Variants in DYNC2I2 observed in about 807,000 individuals in gnomAD.
DYNC2I2 encodes dynein 2 intermediate chain 2, also known as cytoplasmic dynein 2 intermediate chain 2.
DYNC2I2 carries 39 observed loss-of-function variants against 52.0 expected under a neutral mutation model. The ratio of observed to expected loss-of-function variants is 0.75; its 90% CI spans 0.58 to 0.98. DYNC2I2 has a LOEUF of 0.98. Ranked by LOEUF, DYNC2I2 falls within the 50% of genes least tolerant of loss-of-function variation. DYNC2I2 has a pLI of 0.00. For missense variants in DYNC2I2, 743 were observed against 728.4 expected (o/e 1.02, Z -0.23); for synonymous variants, 359 against 321.1 (o/e 1.12, Z -1.26).
the DYNC2I2 span, chr9:128,683,869 G>A: frequency 1.5e-5 from 23 of 1,534,536 alleles, no homozygotes; most frequent in Non-Finnish European, 1.8e-5. Context: ...GAGACTCGTG[G>A]TCTGGTTCTG....
intron 2 of DYNC2I2, among the ~76,000 whole-genome samples, chr9:128,639,405 TAAAA>T (rs570265144): frequency 6.9e-5 from 10 of 144,560 alleles, no homozygotes; most frequent in African/African-American, 2.3e-4. Flanking sequence ...CTCAAAAAAA[TAAAA>T]AAAAAAGAAA....
chr9:128,653,669 T>C (rs1860762345), intron 1 of DYNC2I2, among the ~76,000 whole-genome samples: 1 of 149,084 alleles, frequency 6.7e-6, no homozygotes, highest in African/African-American at 2.5e-5. Flanking sequence ...TGAGCTGAGA[T>C]CACGCCATTG....
chr9:128,657,217 A>T (rs574292369), upstream of DYNC2I2, among the ~76,000 whole-genome samples: 10 of 152,360 alleles, frequency 6.6e-5, no homozygotes, highest in South Asian at 2.1e-3. Flanking sequence ...CAATAGAATG[A>T]TGATGAAAAA....
chr9:128,640,626 G>A, intron 2 of DYNC2I2, 65 bp downstream of exon 2: 1 of 1,562,204 alleles, frequency 6.4e-7, no homozygotes, highest in Non-Finnish European at 8.7e-7. Context: ...TTGTGGGAAG[G>A]AAAACAAGAG....
chr9:128,663,345 C>T, the DYNC2I2 span: 1 of 152,078 alleles, frequency 6.6e-6, no homozygotes, highest in Admixed American at 6.6e-5. Context: ...GGACCTCAAA[C>T]TCCTCCTGCT....
intron 1 of DYNC2I2, among the ~76,000 whole-genome samples, chr9:128,647,731 C>CAAAA (rs35883171): frequency 1.4e-5 from 1 of 73,982 alleles, no homozygotes. Flanking sequence ...GACTCCATCT[C>CAAAA]AAAAAAAAAA....
chr9:128,658,746 A>C (rs1254855417), upstream of DYNC2I2, among the ~76,000 whole-genome samples: 1 of 44,226 alleles, frequency 2.3e-5, no homozygotes, highest in Non-Finnish European at 4.8e-5. Context: ...TTTTTTTTTG[A>C]GACAGGGTCT....
chr9:128,656,925 T>G, upstream of DYNC2I2: 1 of 526,330 alleles, frequency 1.9e-6, no homozygotes, highest in Non-Finnish European at 3.0e-6. Context: ...TTGCATACCC[T>G]GTCCCCAGAA....
chr9:128,674,513 G>A, the DYNC2I2 span, among the ~76,000 whole-genome samples: 1 of 151,950 alleles, frequency 6.6e-6, no homozygotes, highest in Non-Finnish European at 1.5e-5. Context: ...GGAGGCCAAG[G>A]ACGGTGGATC....
At chr9:128,659,430 GC>G (rs1296360447), upstream of DYNC2I2, among the ~76,000 whole-genome samples, 1 of 149,960 alleles carries the variant, frequency 6.7e-6, no homozygotes, top group Non-Finnish European at 1.5e-5. Context: ...GGGAGGTGGA[GC>G]TTGCGGTGAG....
chr9:128,647,734 A>G (rs1230409698), intron 1 of DYNC2I2, among the ~76,000 whole-genome samples: 1 of 133,538 alleles, frequency 7.5e-6, no homozygotes, highest in Non-Finnish European at 1.5e-5. Context: ...TCCATCTCAA[A>G]AAAAAAAAAA....
chr9:128,668,591 G>T, the DYNC2I2 span, among the ~76,000 whole-genome samples: 6 of 151,536 alleles, frequency 4.0e-5, no homozygotes, highest in Non-Finnish European at 8.8e-5. Flanking sequence ...GGGAGGCTGA[G>T]ATGGGTGGAT....
rs367663253 is a variant in DYNC2I2, at chr9:128,634,771, C to T, written c.1132G>A (p.Val378Met). Residue 378 changes from valine (V) to methionine (M), a missense_variant, in exon 7 of 9, where the codon GTG becomes ATG. Coordinates refer to ENST00000372715, the MANE Select transcript of DYNC2I2 (RefSeq NM_052844.4). ...AACTGTGCTGGGGCCCGCAGGGGCA[C>T]GGAGCTGGGCATCCGCGTGAGGGCT... ...EAALTRMPSSVPLRAPAQFTF... is the reference protein window; with the variant it reads ...EAALTRMPSSMPLRAPAQFTF... The T allele has an allele frequency of 6.1e-5, 98 of 1,608,214 alleles. No homozygotes were observed. The highest frequency in any genetic ancestry group is 9.4e-5 in the African/African-American group (7 of 74,822).
chr9:128,640,234 T>C (rs1490061995), intron 2 of DYNC2I2, among the ~76,000 whole-genome samples: 1 of 151,592 alleles, frequency 6.6e-6, no homozygotes, highest in Non-Finnish European at 1.5e-5. Context: ...ATGGTCTCCA[T>C]CTCCTGACAT....
intron 8 of DYNC2I2, 116 bp downstream of exon 8, chr9:128,634,110 G>A: frequency 6.4e-7 from 1 of 1,557,872 alleles, no homozygotes; most frequent in Non-Finnish European, 8.7e-7. Context: ...GGTTGCTGGA[G>A]GGAAGCCGTC....
At chr9:128,643,391 G>A (rs575333726) in intron 1 of DYNC2I2, among the ~76,000 whole-genome samples, 25 of 152,274 alleles carry the variant, frequency 1.6e-4, no homozygotes, top group Non-Finnish European at 3.2e-4. Flanking sequence ...GCCAGGTGCA[G>A]TGGCAGGCGC....
the DYNC2I2 span, among the ~76,000 whole-genome samples, chr9:128,666,758 C>CAA: frequency 1.1e-4 from 13 of 116,162 alleles, no homozygotes; most frequent in Non-Finnish European, 1.3e-4. Flanking sequence ...GACTCCATCT[C>CAA]AAAAAAAAAA....
upstream of DYNC2I2, among the ~76,000 whole-genome samples, chr9:128,659,477 A>G (rs1043585596): frequency 1.3e-5 from 2 of 148,696 alleles, no homozygotes; most frequent in Non-Finnish European, 3.0e-5. Context: ...CCTGGGCGAC[A>G]GAGGGAGACT....
At chr9:128,643,610 T>C (rs970436788) in intron 1 of DYNC2I2, among the ~76,000 whole-genome samples, 7 of 151,852 alleles carry the variant, frequency 4.6e-5, no homozygotes, top group Non-Finnish European at 1.0e-4. Flanking sequence ...GAAGATTGCT[T>C]GAGTCCAGGA....
Sources: gnomAD v4.1 joint callset for allele counts (sites outside exome capture counted in the v4.1 genomes callset) on GRCh38, gnomAD v4.1.1 for gene constraint, MANE v1.5 for transcripts, NCBI Gene and HGNC (gene_info 2026-07-23, HGNC 2026-07-21) for gene names.